Variants in PALS1 observed in about 807,000 individuals in gnomAD.
The protein encoded by PALS1 is protein PALS1.
A neutral mutation model predicts 78.9 loss-of-function variants in PALS1; 31 were observed. The ratio of observed to expected loss-of-function variants is 0.39; its 90% CI spans 0.30 to 0.53. PALS1 has a LOEUF of 0.53. Among genes scored for constraint, PALS1 ranks in the 20% least tolerant of loss-of-function variants. The pLI, the probability that PALS1 is intolerant of heterozygous loss-of-function variation, is 0.67. For missense variants in PALS1, 704 were observed against 826.5 expected (o/e 0.85, Z 1.82); for synonymous variants, 276 against 270.9 (o/e 1.02, Z -0.18).
intron 3 of PALS1, among the ~76,000 whole-genome samples, chr14:67,283,898 G>A (rs2084639136): frequency 6.6e-6 from 1 of 152,174 alleles, no homozygotes; most frequent in African/African-American, 2.4e-5. Flanking sequence ...GCGAAGATTT[G>A]CTTCGTTGTC....
rs576459905 is a variant in PALS1, at chr14:67,320,178, T to C, written c.1370-52T>C. The C allele has an allele frequency of 1.2e-5, 18 of 1,559,526 alleles. No individual in the cohort carries two copies. In the Admixed American group the frequency reaches 1.5e-4, roughly 13 times the overall value. ...TGAAGATCTATGAGTATTTATATCT[T>C]TAATACATGGCCATAATTTTGTTTG... is the stretch of plus-strand genomic sequence containing the variant. On this transcript the variant is annotated intron_variant, in intron 11 of 14. Coordinates refer to ENST00000261681, the MANE Select transcript of PALS1 (RefSeq NM_022474.4).
At chr14:67,283,746 G>A (rs925341968) in intron 3 of PALS1, among the ~76,000 whole-genome samples, 5 of 152,120 alleles carry the variant, frequency 3.3e-5, no homozygotes, top group African/African-American at 1.2e-4. Context: ...TAGAGTATAT[G>A]TATAGTAATG....
chr14:67,292,951 A>G (rs1853075644), intron 4 of PALS1, among the ~76,000 whole-genome samples: 1 of 152,174 alleles, frequency 6.6e-6, no homozygotes, highest in Admixed American at 6.5e-5. Flanking sequence ...TTTATATATA[A>G]TCATAAATTT....
chr14:67,333,024 A>T lies in PALS1; in HGVS notation c.*68A>T. The T allele has an allele frequency of 7.3e-7, 1 of 1,361,528 alleles. No individual in the cohort carries two copies. The highest frequency in any genetic ancestry group is 1.0e-6 in the Non-Finnish European group (1 of 976,198). The allele number at this position is 1,361,528 out of a possible 1,614,324, so 84.3% of individuals were successfully genotyped here. A position where few individuals can be genotyped will look rare whatever the true frequency, so the allele number is the denominator to read the frequency against. On this transcript the variant is annotated 3_prime_UTR_variant, in exon 15 of 15. Coordinates refer to ENST00000261681, the MANE Select transcript of PALS1 (RefSeq NM_022474.4). ...AAACTGCCAATAGGAGGACTGCCCG[A>T]CACTGCAGCAAGATTGAGGATAAGA... is the stretch of plus-strand genomic sequence containing the variant.
chr14:67,263,627 G>T (rs925175780), intron 1 of PALS1, among the ~76,000 whole-genome samples: 1 of 152,120 alleles, frequency 6.6e-6, no homozygotes, highest in African/African-American at 2.4e-5. Context: ...ATACAGACTT[G>T]GTGTGTGTTT....
chr14:67,277,281 AAGAC>A (rs1183679947), intron 2 of PALS1, among the ~76,000 whole-genome samples: 1 of 152,162 alleles, frequency 6.6e-6, no homozygotes, highest in Non-Finnish European at 1.5e-5. Context: ...ATTTGGATGA[AAGAC>A]AGAAAAATCT....
At chr14:67,261,750 C>T (rs1251395035) in intron 1 of PALS1, among the ~76,000 whole-genome samples, 5 of 148,286 alleles carry the variant, frequency 3.4e-5, no homozygotes, top group East Asian at 2.1e-4. Context: ...TGATTGCCTT[C>T]GCTGCTTGGT....
intron 1 of PALS1, among the ~76,000 whole-genome samples, chr14:67,259,159 A>G (rs1316877202): frequency 6.6e-6 from 1 of 151,780 alleles, no homozygotes; most frequent in African/African-American, 2.4e-5. Context: ...AACTTTTAAC[A>G]TTGTCATAAA....
At chr14:67,297,855 A>G (rs956984541) in intron 4 of PALS1, among the ~76,000 whole-genome samples, 2 of 152,218 alleles carry the variant, frequency 1.3e-5, no homozygotes, top group Admixed American at 6.5e-5. Flanking sequence ...ATACAATTCT[A>G]TCTTCATTGA....
chr14:67,306,406 G>T (rs1205971088), intron 8 of PALS1, among the ~76,000 whole-genome samples: 1 of 151,884 alleles, frequency 6.6e-6, no homozygotes, highest in African/African-American at 2.4e-5. Context: ...GTACAGTGGT[G>T]CGATCTTGGC....
rs185046504 is a variant in PALS1 at position 67,323,865 on chromosome 14, C to G, written c.1851+53C>G. 4,471 of 930,798 alleles carry G rather than the reference C, an allele frequency of 4.8e-3. 26 individuals carry two copies. The highest frequency in any genetic ancestry group is 6.5e-3 in the Non-Finnish European group (3,944 of 606,198). 57.7% of individuals were successfully genotyped at this position (930,798 alleles called of 1,614,324 possible). A position where few individuals can be genotyped will look rare whatever the true frequency, so the allele number is the denominator to read the frequency against. ...CCATTGAAGGTAAACATGAAACAGT[C>G]CTGGTCTAATTTGTCCTGGTGCTTA... On this transcript the variant is annotated intron_variant, in intron 14 of 14. Coordinates refer to ENST00000261681, the MANE Select transcript of PALS1 (RefSeq NM_022474.4).
At chr14:67,330,815 C>T (rs2085437312) in intron 14 of PALS1, among the ~76,000 whole-genome samples, 1 of 152,146 alleles carries the variant, frequency 6.6e-6, no homozygotes, top group Non-Finnish European at 1.5e-5. Context: ...ATAGTTTCCA[C>T]CTATTTGGAG....
intron 3 of PALS1, among the ~76,000 whole-genome samples, chr14:67,283,879 T>A (rs1432762966): frequency 2.0e-5 from 3 of 152,238 alleles, no homozygotes; most frequent in African/African-American, 7.2e-5. Context: ...TTAAAACTTA[T>A]TTCTGCCTGC....
At chr14:67,276,097 T>G (rs2084499217) in intron 2 of PALS1, among the ~76,000 whole-genome samples, 1 of 152,114 alleles carries the variant, frequency 6.6e-6, no homozygotes, top group Non-Finnish European at 1.5e-5. Context: ...TTTTGAAGGG[T>G]TTTTTGTGTC....
intron 1 of PALS1, among the ~76,000 whole-genome samples, chr14:67,247,001 G>A (rs2083998053): frequency 6.6e-6 from 1 of 152,118 alleles, no homozygotes; most frequent in South Asian, 2.1e-4. Context: ...CTCTTCCACT[G>A]TATTCTTTTT....
chr14:67,302,403 T>TA lies in PALS1; in HGVS notation c.802-7_802-6insA, dbSNP rs749636927. ...TATTTTTAAATTATACATATATATA[T>TA]TTTTAGGGTGCTACAGTTCGTAATG... On this transcript the variant is annotated splice_polypyrimidine_tract_variant and splice_region_variant and intron_variant, in intron 6 of 14. Coordinates refer to ENST00000261681, the MANE Select transcript of PALS1 (RefSeq NM_022474.4). 17 of 1,529,204 alleles carry TA rather than the reference T, an allele frequency of 1.1e-5. No individual in the cohort carries two copies. The South Asian group carries it at 1.5e-4, about 14-fold the overall frequency. The allele number at this position is 1,529,204 out of a possible 1,614,324, so 94.7% of individuals were successfully genotyped here. A position where few individuals can be genotyped will look rare whatever the true frequency, so the allele number is the denominator to read the frequency against.
rs1179286485 is a variant in PALS1 at position 67,334,783 on chromosome 14, A to T, written c.*1827A>T. 6.6e-6 allele frequency: 1 copy of T among 152,248 alleles called. No individual in the cohort carries two copies. Among genetic ancestry groups the T allele is most frequent in the Admixed American group, 6.5e-5 (1 of 15,280 alleles). 9.4% of individuals were successfully genotyped at this position (152,248 alleles called of 1,614,324 possible). A position where few individuals can be genotyped will look rare whatever the true frequency, so the allele number is the denominator to read the frequency against. On this transcript the variant is annotated 3_prime_UTR_variant, in exon 15 of 15. Coordinates refer to ENST00000261681, the MANE Select transcript of PALS1 (RefSeq NM_022474.4). ...TTCACAGGTCACACCGATTTTTAGC[A>T]TTAAAAACTAAGGAATATACTTAGC... is the stretch of plus-strand genomic sequence containing the variant.
intron 1 of PALS1, among the ~76,000 whole-genome samples, chr14:67,256,022 G>A (rs2084139627): frequency 6.6e-6 from 1 of 152,088 alleles, no homozygotes. Context: ...GTAATTTAAA[G>A]TTTCAATATT....
chr14:67,323,674 T>G, intron 13 of PALS1, 28 bp from the exon 14 acceptor site: 1 of 1,031,418 alleles, frequency 9.7e-7, no homozygotes, highest in Non-Finnish European at 1.4e-6. Context: ...ATGCAAATTA[T>G]TTTAAAAATC....
Sources: allele counts gnomAD v4.1 joint callset (sites outside exome capture counted in the v4.1 genomes callset), GRCh38; gene constraint gnomAD v4.1.1; transcripts MANE v1.5; gene names NCBI Gene and HGNC (gene_info 2026-07-23, HGNC 2026-07-21).